CCDC3: variants seen among roughly 807,000 people sequenced by gnomAD.
The protein encoded by CCDC3 is coiled-coil domain containing 3.
CCDC3 carries 24 observed loss-of-function variants against 21.4 expected under a neutral mutation model. The observed-to-expected ratio is 1.12, with a 90% CI of 0.81 to 1.58. CCDC3 has a LOEUF of 1.58. Among genes scored for constraint, CCDC3 ranks in the 40% most tolerant of loss-of-function variants. The pLI is 0.00. For synonymous variants in CCDC3, 186 were observed against 166.0 expected (o/e 1.12, Z -0.93); for missense variants, 425 against 360.9 (o/e 1.18, Z -1.44).
At chr10:13,018,713 C>T (rs1012383764) in intron 5 of CCDC3, among the ~76,000 whole-genome samples, 2 of 147,442 alleles carry the variant, frequency 1.4e-5, no homozygotes, top group African/African-American at 5.0e-5. Context: ...GGAAGACCAC[C>T]TGAGTTCAGG....
chr10:12,960,083 G>GGCAGAGGTT (rs1835156074), intron 2 of CCDC3, among the ~76,000 whole-genome samples: 1 of 152,082 alleles, frequency 6.6e-6, no homozygotes, highest in South Asian at 2.1e-4. Context: ...GAACCTGGGA[G>GGCAGAGGTT]GCAGAGGTTG....
chr10:12,950,615 T>A (rs1834993272), intron 2 of CCDC3, among the ~76,000 whole-genome samples: 1 of 152,210 alleles, frequency 6.6e-6, no homozygotes, highest in Non-Finnish European at 1.5e-5. Flanking sequence ...CACTTGGTTA[T>A]CATTTTTTTC....
At chr10:12,912,102 C>T (rs1589001123) in intron 2 of CCDC3, among the ~76,000 whole-genome samples, 1 of 152,208 alleles carries the variant, frequency 6.6e-6, no homozygotes, top group Non-Finnish European at 1.5e-5. Flanking sequence ...CTTCAGTGAA[C>T]ATGGGAGTGT....
At chr10:12,960,808 C>G (rs1480649518) in intron 2 of CCDC3, among the ~76,000 whole-genome samples, 1 of 152,204 alleles carries the variant, frequency 6.6e-6, no homozygotes, top group African/African-American at 2.4e-5. Context: ...GGGACTTCTG[C>G]CCTGACACCC....
At chr10:12,998,033 T>C (rs1351020517) in intron 2 of CCDC3, among the ~76,000 whole-genome samples, 1 of 152,220 alleles carries the variant, frequency 6.6e-6, no homozygotes, top group African/African-American at 2.4e-5. Flanking sequence ...TAGATGCTAC[T>C]ATTGTCCCTG....
At chr10:12,998,284 A>G in intron 2 of CCDC3, 54 bp downstream of exon 2, 1 of 1,555,596 alleles carries the variant, frequency 6.4e-7, no homozygotes, top group Non-Finnish European at 8.7e-7. Flanking sequence ...AAATTCACAC[A>G]AGGTGTAGCT....
At chr10:12,952,342 C>T (rs186610674) in intron 2 of CCDC3, among the ~76,000 whole-genome samples, 2 of 152,242 alleles carry the variant, frequency 1.3e-5, no homozygotes, top group African/African-American at 2.4e-5. Flanking sequence ...TAGGACAATC[C>T]CCAAACTCAA....
upstream of CCDC3, among the ~76,000 whole-genome samples, chr10:13,002,831 T>G (rs573528734): frequency 4.8e-4 from 73 of 152,342 alleles, no homozygotes; most frequent in Admixed American, 1.6e-3. Context: ...GGTTGGTTAC[T>G]GGTGAGGCCT....
chr10:12,925,834 G>A (rs543943177), intron 2 of CCDC3, among the ~76,000 whole-genome samples: 1 of 152,346 alleles, frequency 6.6e-6, no homozygotes, highest in African/African-American at 2.4e-5. Flanking sequence ...GTGATACCCA[G>A]GGCTGAACCC....
At chr10:12,984,922 G>A (rs966350781) in intron 2 of CCDC3, among the ~76,000 whole-genome samples, 13 of 152,322 alleles carry the variant, frequency 8.5e-5, no homozygotes, top group African/African-American at 2.6e-4. Flanking sequence ...AGACTGATCA[G>A]TAAAATGGAT....
chr10:13,069,661 T>G (rs1023538449), intron 4 of CCDC3, among the ~76,000 whole-genome samples: 1 of 152,232 alleles, frequency 6.6e-6, no homozygotes, highest in Non-Finnish European at 1.5e-5. Flanking sequence ...TTTGACATGT[T>G]TAAGTACATT....
chr10:12,941,891 T>G (rs767557024), intron 2 of CCDC3, among the ~76,000 whole-genome samples: 1 of 152,166 alleles, frequency 6.6e-6, no homozygotes, highest in East Asian at 1.9e-4. Context: ...GCACCAGGAA[T>G]AGGAGGAGGA....
chr10:13,037,896 T>A (rs1836398536), intron 5 of CCDC3, among the ~76,000 whole-genome samples: 1 of 152,104 alleles, frequency 6.6e-6, no homozygotes, highest in East Asian at 1.9e-4. Flanking sequence ...ACCCTGAGTC[T>A]CTACACTTCC....
At chr10:12,917,339 A>G (rs1176599537) in intron 2 of CCDC3, among the ~76,000 whole-genome samples, 8 of 150,812 alleles carry the variant, frequency 5.3e-5, no homozygotes, top group African/African-American at 1.9e-4. Context: ...GACTACAGGT[A>G]CCCGCCACCA....
intron 2 of CCDC3, among the ~76,000 whole-genome samples, chr10:12,917,242 G>A (rs575464545): frequency 1.5e-4 from 18 of 123,962 alleles, no homozygotes; most frequent in South Asian, 2.7e-4. Flanking sequence ...TGCCCAGGCC[G>A]GACTGCAGTG....
At chr10:12,902,980 C>A (rs2026307) in intron 2 of CCDC3, among the ~76,000 whole-genome samples, 129,678 of 152,172 alleles carry the variant, frequency 0.85, 55,766 homozygotes, top group Middle Eastern at 0.92. Context: ...ATGTGAAAAG[C>A]GTGGATGGGA....
chr10:13,019,158 C>T (rs141064173), intron 5 of CCDC3, among the ~76,000 whole-genome samples: 13 of 152,064 alleles, frequency 8.5e-5, no homozygotes, highest in Middle Eastern at 3.4e-3. Flanking sequence ...GGCATGAACC[C>T]GGGAGGCAGA....
intron 2 of CCDC3, among the ~76,000 whole-genome samples, chr10:12,993,725 A>C (rs1379644246): frequency 4.6e-5 from 7 of 152,174 alleles, no homozygotes; most frequent in African/African-American, 1.7e-4. Flanking sequence ...ACACCATGAC[A>C]CCGAACCAGA....
chr10:13,062,187 G>A (rs1286746934), intron 4 of CCDC3, among the ~76,000 whole-genome samples: 1 of 104,264 alleles, frequency 9.6e-6, no homozygotes, highest in East Asian at 2.6e-4. Flanking sequence ...ATAAGAATTG[G>A]TGCAAGATAA....
Sources: gnomAD v4.1 joint callset for allele counts (sites outside exome capture counted in the v4.1 genomes callset) on GRCh38, gnomAD v4.1.1 for gene constraint, MANE v1.5 for transcripts, NCBI Gene and HGNC (gene_info 2026-07-23, HGNC 2026-07-21) for gene names.